LAMA2: variants seen among roughly 807,000 people sequenced by gnomAD.
LAMA2 encodes the protein laminin subunit alpha-2.
In LAMA2, 269 loss-of-function variants were observed where a neutral mutation model predicts 364.8. The ratio of observed to expected loss-of-function variants is 0.74; its 90% CI spans 0.67 to 0.82. LAMA2 has a LOEUF of 0.82. Among genes scored for constraint, LAMA2 ranks in the 40% least tolerant of loss-of-function variants. The pLI, the probability that LAMA2 is intolerant of heterozygous loss-of-function variation, is 0.00. For synonymous variants in LAMA2, 1,379 were observed against 1,370.6 expected (o/e 1.01, Z -0.14); for missense variants, 3,807 against 3,873.2 (o/e 0.98, Z 0.45).
rs375365504 is a variant in LAMA2, at chr6:129,133,891, C to T, written c.640-10010C>T. Among the ~76,000 whole-genome samples the T allele has an allele frequency of 6.3e-3, 962 of 152,170 alleles. 8 individuals carry two copies. Among genetic ancestry groups the T allele is most frequent in the African/African-American group, 0.022 (922 of 41,524 alleles). On this transcript the variant is annotated intron_variant, in intron 4 of 64. Coordinates refer to ENST00000421865, the MANE Select transcript of LAMA2 (RefSeq NM_000426.4). ...CAACACACACACACACACGCGCACA[C>T]ACAATTCAACTTTTCTCTGAAGAAC...
chr6:129,164,107 T>C (rs540665624), intron 8 of LAMA2, among the ~76,000 whole-genome samples: 16 of 152,306 alleles, frequency 1.1e-4, no homozygotes, highest in South Asian at 6.2e-4. Context: ...ACAGAGGATA[T>C]GTTCCAGGAA....
chr6:128,982,084 T>C (rs1782923363), intron 1 of LAMA2, among the ~76,000 whole-genome samples: 1 of 152,220 alleles, frequency 6.6e-6, no homozygotes, highest in African/African-American at 2.4e-5. Context: ...TATTAGCTTT[T>C]TTATACTGAG....
chr6:129,379,639 C>A lies in LAMA2; in HGVS notation c.4960-3483C>A, dbSNP rs113015184. ...TCTTCCTGCCCCCTACTGCCACTCC[C>A]ACCCCACCAGCGTGGAACTTCGTGT... On this transcript the variant is annotated intron_variant, in intron 34 of 64. Transcript: ENST00000421865. 7.4e-4 allele frequency among the ~76,000 whole-genome samples: 113 copies of A among 152,250 alleles called. 1 individual carries two copies. The highest frequency in any genetic ancestry group is 2.6e-3 in the African/African-American group (108 of 41,544).
intron 1 of LAMA2, among the ~76,000 whole-genome samples, chr6:128,966,739 A>G (rs1245519645): frequency 6.6e-6 from 1 of 152,174 alleles, no homozygotes; most frequent in Non-Finnish European, 1.5e-5. Context: ...AAGCAGGTCA[A>G]TGTGCAAAGA....
intron 35 of LAMA2, among the ~76,000 whole-genome samples, chr6:129,384,625 C>CTGGG (rs1427971931): frequency 6.6e-6 from 1 of 152,150 alleles, no homozygotes; most frequent in Non-Finnish European, 1.5e-5. Flanking sequence ...TTTGCTTCTT[C>CTGGG]TGGGTGCCTA....
chr6:129,165,822 G>A (rs899942704), intron 9 of LAMA2, 147 bp downstream of exon 9: 11 of 653,536 alleles, frequency 1.7e-5, no homozygotes, highest in Non-Finnish European at 3.0e-5. Context: ...GTTCCCTCCA[G>A]GAAGTAGTTT....
intron 44 of LAMA2, among the ~76,000 whole-genome samples, chr6:129,444,207 C>A (rs1225384058): frequency 6.6e-6 from 1 of 152,246 alleles, no homozygotes; most frequent in Middle Eastern, 3.4e-3. Context: ...GAGGAACTTC[C>A]AAGTTCCATT....
intron 27 of LAMA2, among the ~76,000 whole-genome samples, chr6:129,316,744 G>A (rs996585891): frequency 2.8e-4 from 43 of 152,196 alleles, no homozygotes; most frequent in African/African-American, 9.9e-4. Context: ...AGTATTCCGT[G>A]TTTTCTTATG....
At chr6:129,295,207 G>T (rs1022221293) in intron 20 of LAMA2, among the ~76,000 whole-genome samples, 4 of 152,176 alleles carry the variant, frequency 2.6e-5, no homozygotes, top group African/African-American at 7.2e-5. Context: ...AAAGTGGTGA[G>T]AATGACAACT....
At chr6:129,514,842 A>G (rs1246662173) in intron 64 of LAMA2, among the ~76,000 whole-genome samples, 1 of 152,208 alleles carries the variant, frequency 6.6e-6, no homozygotes, top group Non-Finnish European at 1.5e-5. Context: ...GAGAGATTGA[A>G]GCTGGAGGAA....
chr6:129,227,281 C>T (rs1054036103), intron 12 of LAMA2, among the ~76,000 whole-genome samples: 2 of 152,148 alleles, frequency 1.3e-5, no homozygotes, highest in African/African-American at 2.4e-5. Context: ...TTCGAACTTC[C>T]TCCTTTAGCT....
rs1282677592 is a variant in LAMA2 at position 128,909,259 on chromosome 6, G to A, written c.112+25902G>A. 3.3e-5 allele frequency among the ~76,000 whole-genome samples: 5 copies of A among 152,098 alleles called. No individual in the cohort carries two copies. The South Asian group carries it at 1.0e-3, about 32-fold the overall frequency. ...GGTATTAAAGTCTCCCATTATTAAT[G>A]TGTGGGAGTCTAAGTCTCTTTGTAG... On this transcript the variant is annotated intron_variant, in intron 1 of 64. Coordinates refer to ENST00000421865, the MANE Select transcript of LAMA2 (RefSeq NM_000426.4).
Position 129,057,846 on chromosome 6 carries a change from C to A in LAMA2, c.284-1938C>A, listed in dbSNP as rs549401139. On this transcript the variant is annotated intron_variant, in intron 2 of 64. Coordinates refer to ENST00000421865, the MANE Select transcript of LAMA2 (RefSeq NM_000426.4). Reference sequence around the variant, plus strand: ...GTTCCTCATAGCAATGTGATTTGTTCCTTATGTGAGGTATTCCTTCAAATT... The same window carrying A: ...GTTCCTCATAGCAATGTGATTTGTTACTTATGTGAGGTATTCCTTCAAATT... Among the ~76,000 whole-genome samples, 7 of 152,290 alleles carry A rather than the reference C, an allele frequency of 4.6e-5. No homozygotes were observed. The South Asian group carries it at 1.2e-3, about 27-fold the overall frequency.
intron 12 of LAMA2, among the ~76,000 whole-genome samples, chr6:129,249,303 A>G (rs1273087679): frequency 6.6e-6 from 1 of 152,196 alleles, no homozygotes; most frequent in East Asian, 1.9e-4. Context: ...GAATTTTAAA[A>G]AAAGGATTGC....
intron 4 of LAMA2, among the ~76,000 whole-genome samples, chr6:129,130,483 C>T (rs1462260863): frequency 6.6e-6 from 1 of 152,238 alleles, no homozygotes; most frequent in Non-Finnish European, 1.5e-5. Context: ...GGCATCTCCT[C>T]TTAATGAGCC....
intron 15 of LAMA2, among the ~76,000 whole-genome samples, chr6:129,265,984 A>G (rs1787484096): frequency 6.6e-6 from 1 of 152,086 alleles, no homozygotes; most frequent in African/African-American, 2.4e-5. Flanking sequence ...TGTGTTCATT[A>G]TTGATGTTCA....
chr6:129,103,248 G>A (rs890616853), intron 4 of LAMA2, among the ~76,000 whole-genome samples: 3 of 152,038 alleles, frequency 2.0e-5, no homozygotes, highest in Non-Finnish European at 2.9e-5. Flanking sequence ...GACTCTTACT[G>A]TATAATCTAC....
At chr6:129,484,232 G>A (rs372717465) in intron 55 of LAMA2, among the ~76,000 whole-genome samples, 35 of 152,288 alleles carry the variant, frequency 2.3e-4, no homozygotes, top group African/African-American at 8.2e-4. Flanking sequence ...AGTTTATAAT[G>A]GGATATCGAA....
intron 23 of LAMA2, among the ~76,000 whole-genome samples, 153 bp downstream of exon 23, chr6:129,313,250 A>G (rs35211057): frequency 5.4e-4 from 83 of 152,294 alleles, no homozygotes; most frequent in Non-Finnish European, 8.1e-4. Flanking sequence ...GTTTTCATTG[A>G]TATGCATTTG....
Sources: allele counts gnomAD v4.1 joint callset (sites outside exome capture counted in the v4.1 genomes callset), GRCh38; gene constraint gnomAD v4.1.1; transcripts MANE v1.5; gene names NCBI Gene and HGNC (gene_info 2026-07-23, HGNC 2026-07-21).